MINDY3: variants seen among roughly 807,000 people sequenced by gnomAD.
MINDY3 encodes the protein MINDY lysine 48 deubiquitinase 3.
MINDY3 carries 38 observed loss-of-function variants against 69.2 expected under a neutral mutation model. The ratio of observed to expected loss-of-function variants is 0.55; its 90% CI spans 0.42 to 0.72. The LOEUF (loss-of-function observed/expected upper bound fraction) is 0.72. MINDY3 is among the 30% of genes least tolerant of loss of function. The pLI, the probability that MINDY3 is intolerant of heterozygous loss-of-function variation, is 0.00. For missense variants in MINDY3, 522 were observed against 519.0 expected, an observed-to-expected ratio of 1.01 and a Z score of -0.06; for synonymous variants, 192 against 180.1, an observed-to-expected ratio of 1.07 and a Z score of -0.53.
intron 9 of MINDY3, among the ~76,000 whole-genome samples, chr10:15,819,685 G>T (rs1245775795): frequency 6.6e-6 from 1 of 152,160 alleles, no homozygotes; most frequent in Non-Finnish European, 1.5e-5. Flanking sequence ...GCCCTGCCTG[G>T]CTTCCCTCCC....
chr10:15,841,909 C>CT (rs1833495557), intron 3 of MINDY3, among the ~76,000 whole-genome samples: 1 of 151,676 alleles, frequency 6.6e-6, no homozygotes, highest in African/African-American at 2.4e-5. Context: ...ACTTTAGCAA[C>CT]TGCAGCATTT....
intron 10 of MINDY3, among the ~76,000 whole-genome samples, chr10:15,804,552 C>T (rs891275439): frequency 5.3e-5 from 8 of 152,236 alleles, no homozygotes; most frequent in Admixed American, 1.3e-4. Context: ...AGAGCATCGT[C>T]ATCTAACTTC....
rs924761980 is a variant in MINDY3, at chr10:15,841,475, A to G, written c.360T>C (p.Ala120=). 1.2e-6 allele frequency: 2 copies of G among 1,611,858 alleles called. No homozygotes were observed. The highest frequency in any genetic ancestry group is 2.7e-5 in the African/African-American group (2 of 74,838). ...ACTCTGCAGGACTCCCAGAAATACT[A>G]GCAGTTTCCTCAGTTGTCTTTCCTC... is the stretch of plus-strand genomic sequence containing the variant. The part of the protein sequence containing the change: ...WLRGKTTEET[A]SISGSPAESS... The change falls in exon 4 of 15, where the codon GCT becomes GCC. Residue 120 remains alanine, a synonymous_variant. Transcript: ENST00000277632.
In MINDY3 at chr10:15,813,581, C is replaced by A. The variant is rs143056388; in HGVS notation, c.882+3254G>T. Among the ~76,000 whole-genome samples, 1,114 of 152,184 alleles carry A rather than the reference C, an allele frequency of 7.3e-3. 8 individuals carry two copies. The highest frequency in any genetic ancestry group is 0.012 in the Non-Finnish European group (784 of 68,000). On this transcript the variant is annotated intron_variant, in intron 10 of 14. Coordinates refer to ENST00000277632, the MANE Select transcript of MINDY3 (RefSeq NM_024948.4). The stretch of plus-strand genomic sequence containing the variant: ...AATGTCCGCCTCCATTAAGAACAGA[C>A]CCATATCTATTTTTGCTCACCACTG...
chr10:15,839,667 G>A (rs1374429977), intron 4 of MINDY3, among the ~76,000 whole-genome samples: 3 of 151,140 alleles, frequency 2.0e-5, no homozygotes, highest in Non-Finnish European at 4.4e-5. Context: ...GAACAAAGCT[G>A]GGAATAAAGG....
chr10:15,850,223 G>A (rs1023284418), intron 1 of MINDY3, among the ~76,000 whole-genome samples: 2 of 152,144 alleles, frequency 1.3e-5, no homozygotes, highest in Admixed American at 1.3e-4. Context: ...GAGCATGTAT[G>A]TCGCCTCAGG....
At chr10:15,848,893 T>C (rs1428047481) in intron 1 of MINDY3, among the ~76,000 whole-genome samples, 1 of 152,016 alleles carries the variant, frequency 6.6e-6, no homozygotes, top group Non-Finnish European at 1.5e-5. Context: ...AATTCCAAAA[T>C]GCTAAGAACC....
chr10:15,798,506 G>A (rs963703620), intron 10 of MINDY3, among the ~76,000 whole-genome samples: 14 of 149,818 alleles, frequency 9.3e-5, no homozygotes, highest in South Asian at 8.5e-4. Context: ...GGTTGGGCAC[G>A]GTGTGTCACG....
intron 5 of MINDY3, chr10:15,837,536 A>C (rs1391270919): frequency 4.9e-6 from 7 of 1,433,690 alleles, no homozygotes; most frequent in Non-Finnish European, 6.5e-6. Context: ...AAGAAAGAAC[A>C]CCTACTTGGC....
chr10:15,859,736 C>A (rs1468313589), intron 1 of MINDY3, among the ~76,000 whole-genome samples: 1 of 152,152 alleles, frequency 6.6e-6, no homozygotes, highest in Non-Finnish European at 1.5e-5. Context: ...AATGACAATA[C>A]AAACAAAAAA....
intron 10 of MINDY3, among the ~76,000 whole-genome samples, chr10:15,814,661 G>A (rs1839232165): frequency 6.6e-6 from 1 of 152,044 alleles, no homozygotes; most frequent in Admixed American, 6.6e-5. Flanking sequence ...GTGGGCGAGA[G>A]ACAGCCCCTG....
At chr10:15,804,226 CG>C (rs967058027) in intron 10 of MINDY3, among the ~76,000 whole-genome samples, 1 of 150,802 alleles carries the variant, frequency 6.6e-6, no homozygotes, top group African/African-American at 2.4e-5. Context: ...AGAGGGTTGG[CG>C]GGGGGGCGGG....
chr10:15,796,610 A>G (rs1399099138), intron 10 of MINDY3, among the ~76,000 whole-genome samples: 2 of 151,496 alleles, frequency 1.3e-5, no homozygotes, highest in African/African-American at 4.9e-5. Flanking sequence ...CCAGAGATTT[A>G]TTATAGCAAA....
rs975891420 is a variant in MINDY3 at position 15,860,479 on chromosome 10, G to C, written c.-180C>G. ...GACCAAGCCTGTCAAGCCAGGTTGG[G>C]GCAGCAGCGAGTTTTCCGTACCGGA... On this transcript the variant is annotated 5_prime_UTR_variant, in exon 1 of 15. Coordinates refer to ENST00000277632, the MANE Select transcript of MINDY3 (RefSeq NM_024948.4). 9.7e-6 allele frequency: 6 copies of C among 615,500 alleles called. No homozygotes were observed. In the African/African-American group the frequency reaches 1.1e-4, roughly 12 times the overall value. 38.1% of individuals were successfully genotyped at this position (615,500 alleles called of 1,614,324 possible).
Position 15,782,033 on chromosome 10 carries a change from T to C in MINDY3, c.1188+122A>G, listed in dbSNP as rs940586489. 4.0e-6 allele frequency: 3 copies of C among 746,300 alleles called. No homozygotes were observed. The African/African-American group carries it at 5.4e-5, about 13-fold the overall frequency. 46.2% of individuals were successfully genotyped at this position (746,300 alleles called of 1,614,324 possible). A position where few individuals can be genotyped will look rare whatever the true frequency, so the allele number is the denominator to read the frequency against. ...TGGCTGATTCTAAAATGTGTCCTCATAGTAAAGAGACTCCTGGAATAATCT... is the reference window on the plus strand; with the variant it reads ...TGGCTGATTCTAAAATGTGTCCTCACAGTAAAGAGACTCCTGGAATAATCT... On this transcript the variant is annotated intron_variant, in intron 14 of 14. Transcript: ENST00000277632.
chr10:15,829,728 G>C (rs1166804485), intron 8 of MINDY3, among the ~76,000 whole-genome samples: 1 of 152,178 alleles, frequency 6.6e-6, no homozygotes, highest in Non-Finnish European at 1.5e-5. Context: ...TAGCATGATA[G>C]TCTAGACAGG....
intron 10 of MINDY3, among the ~76,000 whole-genome samples, chr10:15,816,604 T>G (rs925667334): frequency 6.6e-6 from 1 of 151,874 alleles, no homozygotes; most frequent in African/African-American, 2.4e-5. Context: ...GCTAAAGCTC[T>G]AAAGAAAGAA....
At chr10:15,827,176 T>TAAAAAAAAAAAAAAAA (rs56332799) in intron 8 of MINDY3, among the ~76,000 whole-genome samples, 1 of 44,858 alleles carries the variant, frequency 2.2e-5, no homozygotes, top group African/African-American at 1.1e-4. Flanking sequence ...ATAACAGGAG[T>TAAAAAAAAAAAAAAAA]AAAAAAAAAA....
chr10:15,816,158 G>A lies in MINDY3; in HGVS notation c.882+677C>T, dbSNP rs1025598765. ...CACCTGTAGTCCCAGCTACTCGGGA[G>A]GCTGAAGTGGGAGAATCGCTTGAAC... is the stretch of plus-strand genomic sequence containing the variant. On this transcript the variant is annotated intron_variant, in intron 10 of 14. Coordinates refer to ENST00000277632, the MANE Select transcript of MINDY3 (RefSeq NM_024948.4). Among the ~76,000 whole-genome samples the A allele has an allele frequency of 3.2e-4, 48 of 151,236 alleles. 1 individual carries two copies. The highest frequency in any genetic ancestry group is 1.0e-4 in the Non-Finnish European group (7 of 67,868).
Sources: allele counts gnomAD v4.1 joint callset (sites outside exome capture counted in the v4.1 genomes callset), GRCh38; gene constraint gnomAD v4.1.1; transcripts MANE v1.5; gene names NCBI Gene and HGNC (gene_info 2026-07-23, HGNC 2026-07-21).